Variants in TLK1 observed in about 807,000 individuals in gnomAD.
TLK1 encodes the protein serine/threonine-protein kinase tousled-like 1.
Under a neutral mutation model 105.3 loss-of-function variants are expected in TLK1, and 24 were observed. The ratio of observed to expected loss-of-function variants is 0.23; its 90% CI spans 0.17 to 0.32. The LOEUF is 0.32. Ranked by LOEUF, TLK1 falls within the 10% of genes least tolerant of loss-of-function variation. The pLI is 1.00. For synonymous variants in TLK1, 321 were observed against 310.4 expected (o/e 1.03, Z -0.36); for missense variants, 558 against 910.5 (o/e 0.61, Z 4.98).
At chr2:171,218,980 T>C (rs1693761801) in intron 1 of TLK1, among the ~76,000 whole-genome samples, 3 of 152,192 alleles carry the variant, frequency 2.0e-5, no homozygotes, top group Admixed American at 6.5e-5. Context: ...GAGGTAGGTA[T>C]TGTTTTCTAG....
rs1690214620 is a variant in TLK1 at position 171,112,374 on chromosome 2, GTC to G, written c.258+5363_258+5364del. On this transcript the variant is annotated intron_variant, in intron 2 of 20. Transcript: ENST00000431350. ...AATAATCCAAAGGAGAAAAATCTGA[GTC>G]TTTTAATCAACACTGAAAAAAGACT... is the stretch of plus-strand genomic sequence containing the variant. Among the ~76,000 whole-genome samples the G allele has an allele frequency of 1.3e-5, 2 of 152,146 alleles. 1 individual carries two copies. Among genetic ancestry groups the G allele is most frequent in the African/African-American group, 4.8e-5 (2 of 41,420 alleles).
intron 14 of TLK1, among the ~76,000 whole-genome samples, chr2:171,010,486 T>C (rs917965950): frequency 3.3e-5 from 5 of 152,118 alleles, no homozygotes; most frequent in African/African-American, 9.7e-5. Context: ...GAGCTAGATA[T>C]TACCTGGGGG....
At chr2:170,998,926 A>T (rs1684216715) in intron 18 of TLK1, among the ~76,000 whole-genome samples, 1 of 152,136 alleles carries the variant, frequency 6.6e-6, no homozygotes, top group African/African-American at 2.4e-5. Context: ...GCACCAGCAC[A>T]CCCAGCTAAT....
chr2:171,142,226 C>A (rs1691606774), intron 1 of TLK1, among the ~76,000 whole-genome samples: 1 of 151,922 alleles, frequency 6.6e-6, no homozygotes, highest in Non-Finnish European at 1.5e-5. Context: ...ATCCCAAAAG[C>A]AGCAGAAAAG....
chr2:171,002,575 G>C (rs2105357437), intron 18 of TLK1, among the ~76,000 whole-genome samples: 1 of 151,694 alleles, frequency 6.6e-6, no homozygotes, highest in Non-Finnish European at 1.5e-5. Flanking sequence ...CGCCTGGCCT[G>C]CTTTTTCTAA....
intron 2 of TLK1, among the ~76,000 whole-genome samples, chr2:171,095,888 T>G (rs575842064): frequency 6.6e-6 from 1 of 152,116 alleles, no homozygotes; most frequent in African/African-American, 2.4e-5. Flanking sequence ...AGGCAATAAA[T>G]GATAAGCCCA....
upstream of TLK1, among the ~76,000 whole-genome samples, chr2:171,163,340 C>G (rs1362489331): frequency 1.3e-5 from 2 of 152,208 alleles, no homozygotes; most frequent in African/African-American, 2.4e-5. Context: ...GGATACATAC[C>G]CAGGATCTTG....
rs927800289 is a variant in TLK1, at chr2:171,184,514, T to C, written c.-6+46631A>G. On this transcript the variant is annotated intron_variant, in intron 1 of 20. Coordinates refer to the TLK1 transcript ENST00000521943. ...AAAATTAGCTGGGTGTGGTGGCTCATGCCTGTAGTCCCAGCTACTAGGGAG... is the reference window on the plus strand; with the variant it reads ...AAAATTAGCTGGGTGTGGTGGCTCACGCCTGTAGTCCCAGCTACTAGGGAG... Among the ~76,000 whole-genome samples, 3 of 151,776 alleles carry C rather than the reference T, an allele frequency of 2.0e-5. No homozygotes were observed. The East Asian group carries it at 5.9e-4, about 30-fold the overall frequency.
At chr2:171,157,625 G>A (rs1692290838) in intron 1 of TLK1, among the ~76,000 whole-genome samples, 1 of 152,030 alleles carries the variant, frequency 6.6e-6, no homozygotes, top group African/African-American at 2.4e-5. Context: ...TGGTAATAAG[G>A]TAAAAAGAAA....
At chr2:171,126,893 A>G (rs1690888360) in intron 1 of TLK1, among the ~76,000 whole-genome samples, 1 of 151,720 alleles carries the variant, frequency 6.6e-6, no homozygotes, top group African/African-American at 2.4e-5. Context: ...TGACAACGAA[A>G]TTATTTCTCC....
At chr2:171,008,836 C>T (rs1346074738) in intron 14 of TLK1, among the ~76,000 whole-genome samples, 1 of 7,726 alleles carries the variant, frequency 1.3e-4, no homozygotes, top group Non-Finnish European at 3.4e-3. Context: ...CTACAAAAGT[C>T]CTCACCTATG....
chr2:171,175,924 T>G (rs562061616), intron 1 of TLK1, among the ~76,000 whole-genome samples: 115 of 152,128 alleles, frequency 7.6e-4, no homozygotes, highest in South Asian at 1.2e-3. Context: ...TCAAGGTTTT[T>G]TTTTTGTTTT....
chr2:170,993,690 A>AAT lies in TLK1; in HGVS notation c.*89_*90insAT. 11 of 940,742 alleles carry AAT rather than the reference A, an allele frequency of 1.2e-5. No homozygotes were observed. The highest frequency in any genetic ancestry group is 1.6e-5 in the Non-Finnish European group (11 of 696,568). 58.3% of individuals were successfully genotyped at this position (940,742 alleles called of 1,614,324 possible). On this transcript the variant is annotated 3_prime_UTR_variant, in exon 21 of 21. Coordinates refer to ENST00000431350, the MANE Select transcript of TLK1 (RefSeq NM_012290.5). The stretch of plus-strand genomic sequence containing the variant: ...GTGTAAAAAAAAAAAAAAAAAAAAA[A>AAT]GAAAAAGAAAACAAACACTCAAATG...
At chr2:171,180,444 G>T (rs1692908884) in intron 1 of TLK1, among the ~76,000 whole-genome samples, 1 of 152,068 alleles carries the variant, frequency 6.6e-6, no homozygotes, top group Non-Finnish European at 1.5e-5. Context: ...ATGATTCCTG[G>T]AAACAAAAGA....
intron 1 of TLK1, chr2:171,159,596 G>A (rs1692371137): frequency 1.3e-5 from 2 of 152,300 alleles, no homozygotes; most frequent in Non-Finnish European, 1.5e-5. Context: ...ACTTGCAGCA[G>A]AGAATATAAC....
At chr2:171,017,599 T>C (rs1422876312) in intron 12 of TLK1, among the ~76,000 whole-genome samples, 1 of 152,208 alleles carries the variant, frequency 6.6e-6, no homozygotes, top group Non-Finnish European at 1.5e-5. Flanking sequence ...TAGTAATCAA[T>C]ATTACAAAAT....
At chr2:171,217,554 G>A (rs1263102351) in intron 1 of TLK1, among the ~76,000 whole-genome samples, 1 of 152,180 alleles carries the variant, frequency 6.6e-6, no homozygotes, top group Non-Finnish European at 1.5e-5. Context: ...GCAGGAGGGA[G>A]GAACACAACT....
chr2:171,154,305 A>G (rs1301740140), intron 1 of TLK1: 1 of 152,202 alleles, frequency 6.6e-6, no homozygotes, highest in East Asian at 1.9e-4. Context: ...AAATTATATT[A>G]CGACTAATGT....
upstream of TLK1, chr2:171,160,966 AGCG>A (rs546390551): frequency 2.4e-3 from 370 of 153,552 alleles, no homozygotes; most frequent in South Asian, 3.7e-3. The surrounding 1 kb of genome is among the most constrained non-coding windows in gnomAD (Gnocchi z 4.4). Context: ...CGCCTCCGGT[AGCG>A]GCGGCGGCGG....
Sources: gnomAD v4.1 joint callset for allele counts (sites outside exome capture counted in the v4.1 genomes callset) on GRCh38, gnomAD v4.1.1 for gene constraint, Gnocchi (gnomAD v3.1) non-coding constraint, MANE v1.5 for transcripts, NCBI Gene and HGNC (gene_info 2026-07-23, HGNC 2026-07-21) for gene names.